MAPK10: variants seen among roughly 807,000 people sequenced by gnomAD.
MAPK10 encodes the protein mitogen-activated protein kinase 10, also known as JNK3 alpha protein kinase.
MAPK10 carries 25 observed loss-of-function variants against 59.3 expected under a neutral mutation model. The observed-to-expected ratio is 0.42, with a 90% confidence interval of 0.31 to 0.59. The LOEUF (loss-of-function observed/expected upper bound fraction) is 0.59, where lower values mean the gene tolerates loss of function less well. Ranked by LOEUF, MAPK10 falls within the 20% of genes least tolerant of loss-of-function variation. MAPK10 has a pLI of 0.15. For synonymous variants in MAPK10, 190 were observed against 200.5 expected (o/e 0.95, Z 0.44); for missense variants, 351 against 568.9 (o/e 0.62, Z 3.90).
At chr4:86,412,099 T>C (rs1745254505) in intron 1 of MAPK10, among the ~76,000 whole-genome samples, 1 of 152,196 alleles carries the variant, frequency 6.6e-6, no homozygotes. Context: ...GGCCTGGTGG[T>C]GACAAAATCT....
chr4:86,071,101 G>A (rs376337336), intron 9 of MAPK10, among the ~76,000 whole-genome samples: 6,708 of 150,932 alleles, frequency 0.044, 230 homozygotes, highest in Non-Finnish European at 0.067. Context: ...GTGTGAGATG[G>A]TATCTCATAG....
At chr4:86,242,452 A>C (rs1184356255) in intron 2 of MAPK10, among the ~76,000 whole-genome samples, 1 of 152,176 alleles carries the variant, frequency 6.6e-6, no homozygotes, top group Non-Finnish European at 1.5e-5. Context: ...TACCAGAAGG[A>C]GAGGCTAAGT....
chr4:86,299,095 G>A (rs1332326344), intron 2 of MAPK10, among the ~76,000 whole-genome samples: 2 of 151,948 alleles, frequency 1.3e-5, no homozygotes, highest in East Asian at 3.9e-4. Context: ...CCAATTTAGT[G>A]GTACAATAAA....
At chr4:86,073,396 A>T (rs2048472618) in intron 9 of MAPK10, among the ~76,000 whole-genome samples, 2 of 149,750 alleles carry the variant, frequency 1.3e-5, no homozygotes, top group South Asian at 2.1e-4. Flanking sequence ...TATTTCCTTC[A>T]GTTCTGCTCT....
At chr4:86,295,987 C>T (rs2095352745) in intron 2 of MAPK10, among the ~76,000 whole-genome samples, 1 of 150,988 alleles carries the variant, frequency 6.6e-6, no homozygotes, top group African/African-American at 2.4e-5. Flanking sequence ...TCCGACCTGG[C>T]CAACATGGTG....
rs1689577222 is a variant in MAPK10 at position 86,149,187 on chromosome 4, A to G, written c.236+10111T>C. Among the ~76,000 whole-genome samples the G allele has an allele frequency of 2.0e-5, 3 of 152,100 alleles. No individual in the cohort carries two copies. In the South Asian group the frequency reaches 6.2e-4, roughly 31 times the overall value. On this transcript the variant is annotated intron_variant, in intron 4 of 13. Coordinates refer to ENST00000641462, the MANE Select transcript of MAPK10 (RefSeq NM_138982.4). ...ATTCTCATTAGGCTTGAAAATTAGT[A>G]CCTGTCTTTCTGACTCCTTTTGCTC...
chr4:86,105,381 T>C (rs1328840689), intron 5 of MAPK10, among the ~76,000 whole-genome samples: 1 of 152,158 alleles, frequency 6.6e-6, no homozygotes, highest in African/African-American at 2.4e-5. Context: ...GGTGTGATGC[T>C]ATTTATAAAT....
At chr4:86,541,231 A>T (rs1282524368) in intron 1 of MAPK10, among the ~76,000 whole-genome samples, 1 of 152,160 alleles carries the variant, frequency 6.6e-6, no homozygotes, top group Non-Finnish European at 1.5e-5. Context: ...GAGAATTGGG[A>T]GGTCCCACAC....
intron 1 of MAPK10, among the ~76,000 whole-genome samples, chr4:86,580,324 C>T (rs1341316523): frequency 6.6e-6 from 1 of 151,988 alleles, no homozygotes; most frequent in Non-Finnish European, 1.5e-5. Flanking sequence ...CATGGCAAAA[C>T]CCCGCTCCTA....
At chr4:86,021,848 G>C (rs534036308) in intron 13 of MAPK10, among the ~76,000 whole-genome samples, 4 of 152,242 alleles carry the variant, frequency 2.6e-5, no homozygotes, top group Non-Finnish European at 5.9e-5. Flanking sequence ...CCACTGGCCC[G>C]GGTGCTAAGT....
chr4:86,472,070 T>C (rs1752699587), intron 1 of MAPK10, among the ~76,000 whole-genome samples: 2 of 152,218 alleles, frequency 1.3e-5, no homozygotes, highest in Non-Finnish European at 2.9e-5. Context: ...AAATTCATCA[T>C]ATATCAAATT....
At chr4:86,110,346 T>G (rs1437239587) in intron 4 of MAPK10, among the ~76,000 whole-genome samples, 1 of 152,204 alleles carries the variant, frequency 6.6e-6, no homozygotes, top group Non-Finnish European at 1.5e-5. Flanking sequence ...TTCTAGGATT[T>G]TTATAGTTTT....
chr4:86,211,289 A>T (rs1582897205), intron 2 of MAPK10, among the ~76,000 whole-genome samples: 1 of 152,178 alleles, frequency 6.6e-6, no homozygotes, highest in East Asian at 1.9e-4. Context: ...TAAAATTAAA[A>T]TGTTGAAAGC....
At chr4:86,299,846 C>T (rs1338346097) in intron 2 of MAPK10, among the ~76,000 whole-genome samples, 1 of 151,920 alleles carries the variant, frequency 6.6e-6, no homozygotes, top group Admixed American at 6.6e-5. Flanking sequence ...TATGGTAAAC[C>T]GTATTTACAT....
At chr4:86,159,074 AC>A (rs1044438623) in intron 4 of MAPK10, 1 of 356,414 alleles carries the variant, frequency 2.8e-6, no homozygotes, top group Middle Eastern at 7.4e-4. Flanking sequence ...TTTTTCTCTG[AC>A]CAAAAAAAAA....
At chr4:86,022,846 T>G (rs147297158) in intron 13 of MAPK10, among the ~76,000 whole-genome samples, 41 of 152,348 alleles carry the variant, frequency 2.7e-4, no homozygotes, top group African/African-American at 9.6e-4. Flanking sequence ...ACAAGTTACT[T>G]AATGAGATAT....
intron 3 of MAPK10, chr4:86,192,761 A>G (rs1460845992): frequency 6.6e-6 from 1 of 151,874 alleles, no homozygotes; most frequent in African/African-American, 2.4e-5. Flanking sequence ...CCACCTTCTG[A>G]AGCCTACTTC....
At chr4:86,407,733 TA>T (rs1246582719) in intron 1 of MAPK10, among the ~76,000 whole-genome samples, 1 of 151,864 alleles carries the variant, frequency 6.6e-6, no homozygotes, top group Admixed American at 6.6e-5. Flanking sequence ...ATAAATGTAA[TA>T]AAATATAAAA....
chr4:86,199,558 T>A (rs1202612820), intron 2 of MAPK10, among the ~76,000 whole-genome samples: 1 of 151,960 alleles, frequency 6.6e-6, no homozygotes. Flanking sequence ...GATGAGATAA[T>A]TATCCTGGGG....
Sources: gnomAD v4.1 joint callset for allele counts (sites outside exome capture counted in the v4.1 genomes callset) on GRCh38, gnomAD v4.1.1 for gene constraint, MANE v1.5 for transcripts, NCBI Gene and HGNC (gene_info 2026-07-23, HGNC 2026-07-21) for gene names.